The following GNAO1 variants were observed in gnomAD, a reference collection of about 807,000 sequenced individuals.
GNAO1 encodes the protein G protein subunit alpha o1, also known as guanine nucleotide-binding protein G(o) subunit alpha.
For missense variants in GNAO1, 166 were observed against 478.7 expected (o/e 0.35, Z 6.10); for synonymous variants, 164 against 180.7 (o/e 0.91, Z 0.74).
At chr16:56,340,954 TCCCCG>T in intron 6 of GNAO1, 1 of 1,613,964 alleles carries the variant, frequency 6.2e-7, no homozygotes, top group Non-Finnish European at 8.5e-7. Context: ...GATCAAGAAG[TCCCCG>T]CTCACCATCT....
At chr16:56,343,699 T>A (rs2037829685) in intron 6 of GNAO1, 2 of 1,328,000 alleles carry the variant, frequency 1.5e-6, no homozygotes, top group East Asian at 5.0e-5. Flanking sequence ...CAGGCTGGGG[T>A]CGTCCATGCC....
At chr16:56,244,459 A>G (rs1007091855) in intron 2 of GNAO1, among the ~76,000 whole-genome samples, 2 of 151,986 alleles carry the variant, frequency 1.3e-5, no homozygotes, top group African/African-American at 2.4e-5. Context: ...CCACCAGGGT[A>G]GTAACCCTGG....
chr16:56,256,347 C>T (rs1264024930), intron 2 of GNAO1, among the ~76,000 whole-genome samples: 8 of 152,162 alleles, frequency 5.3e-5, no homozygotes, highest in South Asian at 2.1e-4. Flanking sequence ...TTTCTACCTG[C>T]GCTCCATTAC....
At chr16:56,275,382 C>G (rs368542510) in intron 2 of GNAO1, among the ~76,000 whole-genome samples, 2 of 152,204 alleles carry the variant, frequency 1.3e-5, no homozygotes, top group African/African-American at 2.4e-5. Context: ...TGGTTAAATC[C>G]TAGCCAAGGA....
intron 4 of GNAO1, among the ~76,000 whole-genome samples, chr16:56,333,452 C>G (rs1361451381): frequency 1.3e-5 from 2 of 152,266 alleles, no homozygotes; most frequent in African/African-American, 2.4e-5. Context: ...CCTCATGATC[C>G]GCCCACCTTG....
chr16:56,313,828 C>CCT (rs1328806929), intron 3 of GNAO1, among the ~76,000 whole-genome samples: 10 of 152,220 alleles, frequency 6.6e-5, no homozygotes, highest in Non-Finnish European at 1.5e-4. Context: ...CTCAAGCAAT[C>CCT]CTCCCACCTC....
chr16:56,232,804 C>T (rs1178300504), intron 2 of GNAO1, among the ~76,000 whole-genome samples: 2 of 152,168 alleles, frequency 1.3e-5, no homozygotes, highest in Admixed American at 1.3e-4. Flanking sequence ...AAGCGCCCTC[C>T]AACTAACTTT....
intron 6 of GNAO1, among the ~76,000 whole-genome samples, chr16:56,349,205 A>G (rs1376145479): frequency 1.3e-5 from 2 of 152,166 alleles, no homozygotes; most frequent in African/African-American, 4.8e-5. Flanking sequence ...CCAAGGGGGC[A>G]CAGTCCCCAC....
intron 3 of GNAO1, among the ~76,000 whole-genome samples, 172 bp from the exon 4 acceptor site, chr16:56,328,459 A>G (rs774297595): frequency 3.9e-5 from 6 of 152,124 alleles, no homozygotes; most frequent in Non-Finnish European, 8.8e-5. Flanking sequence ...AGGAACCCCA[A>G]CTGTGCATGC....
intron 2 of GNAO1, among the ~76,000 whole-genome samples, chr16:56,206,047 G>A (rs1360078059): frequency 1.3e-5 from 2 of 152,116 alleles, no homozygotes; most frequent in African/African-American, 4.8e-5. Flanking sequence ...AGGGCCGGGC[G>A]TGGTGCCTCA....
intron 3 of GNAO1, among the ~76,000 whole-genome samples, chr16:56,310,125 A>C (rs374636818): frequency 6.6e-6 from 1 of 152,172 alleles, no homozygotes; most frequent in South Asian, 2.1e-4. Context: ...TGGGCAACAT[A>C]GTGAGACCCC....
At chr16:56,332,490 C>T (rs1409172471) in intron 4 of GNAO1, among the ~76,000 whole-genome samples, 2 of 152,234 alleles carry the variant, frequency 1.3e-5, no homozygotes, top group African/African-American at 2.4e-5. Flanking sequence ...TTCGTTCTCT[C>T]ACACTACCTC....
intron 3 of GNAO1, among the ~76,000 whole-genome samples, chr16:56,278,975 T>C (rs1346796467): frequency 6.6e-6 from 1 of 152,130 alleles, no homozygotes; most frequent in African/African-American, 2.4e-5. Flanking sequence ...GCCATTTGGA[T>C]GCTGGGGAAA....
Position 56,354,862 on chromosome 16 carries a change from A to G in GNAO1, c.878-4A>G. On this transcript the variant is annotated splice_region_variant and splice_polypyrimidine_tract_variant and intron_variant, in intron 7 of 8. Transcript: ENST00000262493. This position sits in a 1 kb window ranked among gnomAD's most constrained non-coding sequence, Gnocchi z 4.3. ...TCTCCCCGTTCTTCTGTGTCTTGTT[A>G]CAGGCCCCAATACCTATGAAGACGC... is the stretch of plus-strand genomic sequence containing the variant. The G allele has an allele frequency of 7.5e-6, 12 of 1,604,502 alleles. No homozygotes were observed. Among genetic ancestry groups the G allele is most frequent in the Non-Finnish European group, 1.0e-5 (12 of 1,171,972 alleles).
chr16:56,254,186 C>A (rs913441254), intron 2 of GNAO1, among the ~76,000 whole-genome samples: 1 of 152,116 alleles, frequency 6.6e-6, no homozygotes, highest in Non-Finnish European at 1.5e-5. Flanking sequence ...TCAAGGAATG[C>A]AGGGCCCTAT....
rs771964212 is a variant in GNAO1 at position 56,334,609 on chromosome 16, T to C, written c.465-120T>C. ...ATGGCCTGGAATGGAGGTGATGTCT[T>C]TTCCACAGTGACCTGGAGGGGCCCT... is the stretch of plus-strand genomic sequence containing the variant. On this transcript the variant is annotated intron_variant, in intron 4 of 8. Transcript: ENST00000262493. 8.4e-6 allele frequency: 9 copies of C among 1,076,692 alleles called. 1 individual carries two copies. The highest frequency in any genetic ancestry group is 1.2e-5 in the Non-Finnish European group (9 of 734,058). 66.7% of individuals were successfully genotyped at this position (1,076,692 alleles called of 1,614,324 possible). A position where few individuals can be genotyped will look rare whatever the true frequency, so the allele number is the denominator to read the frequency against.
At position 56,191,933 on chromosome 16, in the gene GNAO1, C is replaced by T. The variant is rs1260016065; in HGVS notation, c.-303C>T. ...GTGCACAAGCCTCAGTGCCTGCAGT[C>T]CGCGCCTCCTCGGCCCGCGGGCGCC... On this transcript the variant is annotated 5_prime_UTR_variant, in exon 1 of 9. Coordinates refer to ENST00000262493, the MANE Select transcript of GNAO1 (RefSeq NM_020988.3). The surrounding 1 kb of genome is among the most constrained non-coding windows in gnomAD (Gnocchi z 4.7). 19 of 460,938 alleles carry T rather than the reference C, an allele frequency of 4.1e-5. No homozygotes were observed. In the East Asian group the frequency reaches 7.0e-4, roughly 17 times the overall value. The allele number at this position is 460,938 out of a possible 1,614,324, so 28.6% of individuals were successfully genotyped here.
intron 2 of GNAO1, among the ~76,000 whole-genome samples, chr16:56,267,172 C>T (rs1428156350): frequency 6.6e-6 from 1 of 152,180 alleles, no homozygotes; most frequent in African/African-American, 2.4e-5. Context: ...CCAGGCGGGG[C>T]TCTCTCTCCC....
chr16:56,341,368 C>A lies in GNAO1; in HGVS notation c.723+4508C>A, dbSNP rs113537805. On this transcript the variant is annotated intron_variant, in intron 6 of 8. Transcript: ENST00000262493. ...GTTTATGCCCCAGCTCCGCCACTCA[C>A]AAGCAGCTCAGGCAGGTCATGCAGC... is the stretch of plus-strand genomic sequence containing the variant. Among the ~76,000 whole-genome samples, 433 of 152,338 alleles carry A rather than the reference C, an allele frequency of 2.8e-3. 3 individuals are homozygous for A. Among genetic ancestry groups the A allele is most frequent in the African/African-American group, 8.8e-3 (366 of 41,582 alleles).
Sources: allele counts gnomAD v4.1 joint callset (sites outside exome capture counted in the v4.1 genomes callset), GRCh38; gene constraint gnomAD v4.1.1; non-coding constraint Gnocchi (gnomAD v3.1); transcripts MANE v1.5; gene names NCBI Gene and HGNC (gene_info 2026-07-23, HGNC 2026-07-21).